PTPRM: variants seen among roughly 807,000 people sequenced by gnomAD.
PTPRM encodes the protein receptor-type tyrosine-protein phosphatase mu.
PTPRM carries 47 observed loss-of-function variants against 186.7 expected under a neutral mutation model. The observed-to-expected ratio is 0.25, with a 90% CI of 0.20 to 0.32. PTPRM has a LOEUF of 0.32. PTPRM is among the 10% of genes least tolerant of loss of function. PTPRM has a pLI of 1.00. For missense variants in PTPRM, 1,494 were observed against 1,865.0 expected, an observed-to-expected ratio of 0.80 and a Z score of 3.66; for synonymous variants, 668 against 674.9, an observed-to-expected ratio of 0.99 and a Z score of 0.16.
chr18:7,910,659 G>A (rs987444630), intron 4 of PTPRM, among the ~76,000 whole-genome samples: 1 of 152,166 alleles, frequency 6.6e-6, no homozygotes, highest in Non-Finnish European at 1.5e-5. Context: ...ACCAATCAGA[G>A]ACTGAAGTGA....
chr18:7,640,498 A>G (rs1176134535), intron 1 of PTPRM, among the ~76,000 whole-genome samples: 1 of 151,910 alleles, frequency 6.6e-6, no homozygotes, highest in East Asian at 1.9e-4. Flanking sequence ...GTAAACTAAA[A>G]TATATATATA....
intron 1 of PTPRM, among the ~76,000 whole-genome samples, chr18:7,728,468 C>T (rs1381590097): frequency 1.3e-5 from 2 of 152,242 alleles, no homozygotes; most frequent in African/African-American, 4.8e-5. Context: ...CTGCATAAGG[C>T]GCAAATTCCT....
chr18:7,626,297 C>T (rs1340840402), intron 1 of PTPRM, among the ~76,000 whole-genome samples: 1 of 152,224 alleles, frequency 6.6e-6, no homozygotes, highest in Non-Finnish European at 1.5e-5. Context: ...TTGGCAAAGA[C>T]TGTGGTCACC....
intron 8 of PTPRM, among the ~76,000 whole-genome samples, chr18:8,073,207 T>G (rs1408304215): frequency 2.6e-5 from 4 of 152,264 alleles, no homozygotes; most frequent in Non-Finnish European, 5.9e-5. Context: ...ATAAGAAATA[T>G]CACTGGCTGC....
At chr18:7,783,748 TTGTGTG>T (rs60314284) in intron 2 of PTPRM, among the ~76,000 whole-genome samples, 3 of 146,620 alleles carry the variant, frequency 2.0e-5, no homozygotes, top group African/African-American at 5.1e-5. Flanking sequence ...ATTTTTAATT[TTGTGTG>T]TGTGTGTGTG....
chr18:8,376,860 A>G, intron 26 of PTPRM: 1 of 386,752 alleles, frequency 2.6e-6, no homozygotes, highest in Non-Finnish European at 4.6e-6. Context: ...GGGACCCAAA[A>G]AAGTCTCTGT....
At chr18:8,132,090 C>A (rs570057166) in intron 13 of PTPRM, among the ~76,000 whole-genome samples, 2 of 152,258 alleles carry the variant, frequency 1.3e-5, no homozygotes, top group East Asian at 3.9e-4. Context: ...CAAGTTGGAG[C>A]TCTTAGTCAA....
intron 14 of PTPRM, among the ~76,000 whole-genome samples, chr18:8,161,570 G>T (rs146547545): frequency 1.3e-5 from 2 of 152,128 alleles, no homozygotes; most frequent in Non-Finnish European, 2.9e-5. Context: ...GGTTGGCAAT[G>T]AATCACTTTT....
In PTPRM at chr18:8,307,798, C is replaced by CT. The variant is rs1406590713; in HGVS notation, c.2843-6982dup. Among the ~76,000 whole-genome samples, 184 of 147,178 alleles carry CT rather than the reference C, an allele frequency of 1.3e-3. 1 individual carries two copies. The highest frequency in any genetic ancestry group is 4.6e-3 in the African/African-American group (175 of 38,194). ...CAGCCTGGGCAACAAGAGTGAAACT[C>CT]TGTCTCAAAAAAAAAAAATAAAAAT... On this transcript the variant is annotated intron_variant, in intron 20 of 32. Coordinates refer to ENST00000580170, the MANE Select transcript of PTPRM (RefSeq NM_001105244.2).
At position 7,955,395 on chromosome 18, in the gene PTPRM, G is replaced by A; in HGVS notation, c.1113G>A (p.Arg371=). ...GGTGSPGPAL[R]TRTKCADPMR... ...CTGGCTCTCCTGGTCCAGCTCTCAG[G>A]ACAAGAACAAAGTGTGCTGGTGAGT... is the stretch of plus-strand genomic sequence containing the variant. The change falls in exon 7 of 33, where the codon AGG becomes AGA. Residue 371 remains arginine (R), a synonymous_variant. Transcript: ENST00000580170. The A allele has an allele frequency of 1.2e-6, 2 of 1,613,642 alleles. No individual in the cohort carries two copies. The highest frequency in any genetic ancestry group is 1.7e-6 in the Non-Finnish European group (2 of 1,179,792).
At chr18:8,361,692 G>T (rs554255071) in intron 23 of PTPRM, among the ~76,000 whole-genome samples, 1 of 152,192 alleles carries the variant, frequency 6.6e-6, no homozygotes, top group South Asian at 2.1e-4. Flanking sequence ...ATATGGTCTT[G>T]TATCCTCTTT....
In PTPRM at chr18:8,397,949, C is replaced by G. The variant is rs528452993; in HGVS notation, c.4344+3338C>G. On this transcript the variant is annotated intron_variant, in intron 32 of 32. Transcript: ENST00000580170. ...ACTGCCCAGGAAGTGAACAACTGGC[C>G]CCATCATTTACCCAAATGCCTTGGG... is the stretch of plus-strand genomic sequence containing the variant. Among the ~76,000 whole-genome samples the G allele has an allele frequency of 7.2e-5, 11 of 152,236 alleles. No individual in the cohort carries two copies. In the South Asian group the frequency reaches 1.2e-3, roughly 17 times the overall value.
At chr18:7,982,284 CTTTT>C (rs60537289) in intron 7 of PTPRM, among the ~76,000 whole-genome samples, 1 of 136,220 alleles carries the variant, frequency 7.3e-6, no homozygotes. Flanking sequence ...TAAGTTTTTA[CTTTT>C]TTTTTTTTTT....
chr18:8,040,418 G>A (rs1309619921), intron 7 of PTPRM, among the ~76,000 whole-genome samples: 3 of 152,160 alleles, frequency 2.0e-5, no homozygotes, highest in African/African-American at 7.2e-5. Context: ...AATTATTAAA[G>A]TTATGTGTCA....
At chr18:7,629,833 G>T (rs543304726) in intron 1 of PTPRM, among the ~76,000 whole-genome samples, 1 of 152,250 alleles carries the variant, frequency 6.6e-6, no homozygotes, top group Non-Finnish European at 1.5e-5. Context: ...CTCTCAGACT[G>T]TGAAGAGAAT....
intron 14 of PTPRM, among the ~76,000 whole-genome samples, chr18:8,231,203 G>T (rs1475778268): frequency 6.6e-6 from 1 of 152,216 alleles, no homozygotes; most frequent in Admixed American, 6.5e-5. Flanking sequence ...TAGCATGGCA[G>T]GGTCTATCAC....
intron 23 of PTPRM, among the ~76,000 whole-genome samples, chr18:8,352,224 T>C (rs2095538114): frequency 1.3e-5 from 2 of 152,230 alleles, no homozygotes; most frequent in African/African-American, 4.8e-5. Context: ...TCATTCTGCC[T>C]GTGGCAATCT....
chr18:8,380,206 G>A, intron 28 of PTPRM, 90 bp from the exon 29 acceptor site: 1 of 1,416,524 alleles, frequency 7.1e-7, no homozygotes, highest in South Asian at 1.3e-5. Context: ...AGTGTTTTGT[G>A]CCACAAGCTT....
intron 14 of PTPRM, among the ~76,000 whole-genome samples, chr18:8,206,029 T>C (rs1231552484): frequency 2.0e-5 from 3 of 152,060 alleles, no homozygotes; most frequent in African/African-American, 7.2e-5. Context: ...TGAAAGGTGA[T>C]TAATTTAAAA....
Sources: gnomAD v4.1 joint callset for allele counts (sites outside exome capture counted in the v4.1 genomes callset) on GRCh38, gnomAD v4.1.1 for gene constraint, MANE v1.5 for transcripts, NCBI Gene and HGNC (gene_info 2026-07-23, HGNC 2026-07-21) for gene names.